DNM3: variants seen among roughly 807,000 people sequenced by gnomAD.
The protein encoded by DNM3 is dynamin 3.
Under a neutral mutation model 101.6 loss-of-function variants are expected in DNM3, and 47 were observed. The observed-to-expected ratio is 0.46, with a 90% CI of 0.37 to 0.59. DNM3 has a LOEUF of 0.59. Among genes scored for constraint, DNM3 ranks in the 20% least tolerant of loss-of-function variants. The probability of loss-of-function intolerance (pLI) is 0.00; values close to 1 mark genes in which losing one functional copy is unlikely to be tolerated. For missense variants in DNM3, 849 were observed against 1,085.7 expected (o/e 0.78, Z 3.06); for synonymous variants, 385 against 387.9 (o/e 0.99, Z 0.09).
At chr1:172,099,373 G>A (rs1001959303) in intron 13 of DNM3, among the ~76,000 whole-genome samples, 9 of 152,056 alleles carry the variant, frequency 5.9e-5, no homozygotes, top group Non-Finnish European at 7.4e-5. Flanking sequence ...TCCCTTCTCT[G>A]CCTTCTCCTG....
intron 13 of DNM3, among the ~76,000 whole-genome samples, chr1:172,124,474 C>T (rs867840783): frequency 6.6e-6 from 1 of 152,160 alleles, no homozygotes; most frequent in Non-Finnish European, 1.5e-5. Context: ...CTAATTTTTA[C>T]TTTCCTTTTT....
At chr1:171,860,108 A>G (rs184914576) in intron 1 of DNM3, among the ~76,000 whole-genome samples, 1 of 152,314 alleles carries the variant, frequency 6.6e-6, no homozygotes, top group East Asian at 1.9e-4. Flanking sequence ...AATCTGATTT[A>G]CATTAGAGAA....
intron 2 of DNM3, among the ~76,000 whole-genome samples, chr1:171,950,757 G>T (rs943026829): frequency 1.3e-5 from 2 of 152,074 alleles, no homozygotes; most frequent in Admixed American, 6.6e-5. Context: ...CTTTAACTTG[G>T]TTATAATGAT....
chr1:171,912,017 A>G (rs2039348815), intron 1 of DNM3, among the ~76,000 whole-genome samples: 2 of 152,082 alleles, frequency 1.3e-5, no homozygotes, highest in African/African-American at 4.8e-5. Context: ...GGTCCAGCCC[A>G]TGTTTCCAGG....
At chr1:171,908,062 G>A (rs988189273) in intron 1 of DNM3, among the ~76,000 whole-genome samples, 1 of 152,100 alleles carries the variant, frequency 6.6e-6, no homozygotes, top group East Asian at 1.9e-4. Context: ...AAAATACTTA[G>A]CATTTCTGTG....
At chr1:172,285,591 C>A (rs1214197040) in intron 15 of DNM3, among the ~76,000 whole-genome samples, 1 of 152,132 alleles carries the variant, frequency 6.6e-6, no homozygotes, top group East Asian at 1.9e-4. Context: ...GTATGAAGAC[C>A]TATTTTTCCA....
At chr1:172,043,659 T>C (rs953973582) in intron 8 of DNM3, among the ~76,000 whole-genome samples, 1 of 151,988 alleles carries the variant, frequency 6.6e-6, no homozygotes, top group African/African-American at 2.4e-5. Flanking sequence ...AGGAATGAGC[T>C]ATGAAGCCAT....
At chr1:172,046,081 C>T (rs965890231) in intron 9 of DNM3, among the ~76,000 whole-genome samples, 64 of 152,064 alleles carry the variant, frequency 4.2e-4, no homozygotes, top group Admixed American at 1.2e-3. Flanking sequence ...CTATAAATCA[C>T]GCTGCTATAA....
chr1:172,218,233 A>G (rs1037116754), intron 14 of DNM3, among the ~76,000 whole-genome samples: 2 of 152,162 alleles, frequency 1.3e-5, no homozygotes, highest in African/African-American at 4.8e-5. Flanking sequence ...GACTCTTAAG[A>G]AAAGCAATTA....
intron 1 of DNM3, among the ~76,000 whole-genome samples, chr1:171,911,520 T>C (rs1319438955): frequency 6.6e-6 from 1 of 152,146 alleles, no homozygotes; most frequent in Non-Finnish European, 1.5e-5. Flanking sequence ...CAACCTCAGG[T>C]GATCCGCCCG....
chr1:172,235,901 C>T (rs1367604366), intron 14 of DNM3, among the ~76,000 whole-genome samples: 10 of 151,948 alleles, frequency 6.6e-5, no homozygotes, highest in Admixed American at 2.0e-4. Flanking sequence ...TGCTACATGA[C>T]GAGTTAATGG....
At chr1:172,223,174 T>A (rs1192555899) in intron 14 of DNM3, among the ~76,000 whole-genome samples, 1 of 151,956 alleles carries the variant, frequency 6.6e-6, no homozygotes, top group Non-Finnish European at 1.5e-5. Context: ...CAAAACTTAT[T>A]CCTCCTGTCT....
intron 2 of DNM3, among the ~76,000 whole-genome samples, chr1:171,956,998 C>CCA (rs2042902931): frequency 6.6e-6 from 1 of 152,102 alleles, no homozygotes; most frequent in South Asian, 2.1e-4. Flanking sequence ...GATCCTGGGC[C>CCA]CACAAAAGCA....
At chr1:172,241,329 A>C (rs780586210) in intron 14 of DNM3, among the ~76,000 whole-genome samples, 7 of 151,926 alleles carry the variant, frequency 4.6e-5, no homozygotes, top group African/African-American at 1.7e-4. Context: ...TCAAAACTGC[A>C]TAAACGTATG....
At position 172,108,671 on chromosome 1, in the gene DNM3, G is replaced by A. The variant is rs1329407585; in HGVS notation, c.1545+15796G>A. ...CAACCAATCCATTCCCCACCCCAGGGAATTCCATCAGGCTGAATTATATGG... is the reference window on the plus strand; with the variant it reads ...CAACCAATCCATTCCCCACCCCAGGAAATTCCATCAGGCTGAATTATATGG... On this transcript the variant is annotated intron_variant, in intron 13 of 20. Transcript: ENST00000627582. Among the ~76,000 whole-genome samples the A allele has an allele frequency of 3.9e-5, 6 of 152,184 alleles. No homozygotes were observed. The East Asian group carries it at 1.2e-3, about 29-fold the overall frequency.
chr1:171,851,072 T>G (rs796928560), intron 1 of DNM3, among the ~76,000 whole-genome samples: 4 of 152,238 alleles, frequency 2.6e-5, no homozygotes, highest in African/African-American at 9.6e-5. Flanking sequence ...CCAAGAACAG[T>G]GAGAGCTGGG....
intron 2 of DNM3, among the ~76,000 whole-genome samples, chr1:171,975,428 G>A (rs2044301056): frequency 6.6e-6 from 1 of 152,196 alleles, no homozygotes; most frequent in African/African-American, 2.4e-5. Flanking sequence ...GATGTTGCTT[G>A]GGACATCATT....
At chr1:172,251,879 A>G (rs891576820) in intron 14 of DNM3, among the ~76,000 whole-genome samples, 1 of 152,146 alleles carries the variant, frequency 6.6e-6, no homozygotes, top group African/African-American at 2.4e-5. Flanking sequence ...TTGATTATGT[A>G]TTGGATAGAT....
At chr1:172,032,660 G>A (rs1455339944) in intron 5 of DNM3, among the ~76,000 whole-genome samples, 160 bp downstream of exon 5, 1 of 151,082 alleles carries the variant, frequency 6.6e-6, no homozygotes, top group Non-Finnish European at 1.5e-5. Flanking sequence ...TTCTGGAATG[G>A]CTGTATGTTC....
Sources: gnomAD v4.1 joint callset for allele counts (sites outside exome capture counted in the v4.1 genomes callset) on GRCh38, gnomAD v4.1.1 for gene constraint, MANE v1.5 for transcripts, NCBI Gene and HGNC (gene_info 2026-07-23, HGNC 2026-07-21) for gene names.